Variants in NOTCH2 observed in about 807,000 individuals in gnomAD.
NOTCH2 encodes the protein neurogenic locus notch homolog protein 2.
Under a neutral mutation model 235.8 loss-of-function variants are expected in NOTCH2, and 29 were observed. That is an observed-to-expected ratio of 0.12 (90% confidence interval 0.09 to 0.17). The LOEUF (loss-of-function observed/expected upper bound fraction) is 0.17. Among genes scored for constraint, NOTCH2 ranks in the 10% least tolerant of loss-of-function variants. NOTCH2 has a pLI of 1.00. For missense variants in NOTCH2, 2,285 were observed against 3,150.2 expected, an observed-to-expected ratio of 0.73 and a Z score of 6.57; for synonymous variants, 1,086 against 1,141.5, an observed-to-expected ratio of 0.95 and a Z score of 0.98.
At chr1:120,002,157 C>G (rs1553205484) in intron 3 of NOTCH2, among the ~76,000 whole-genome samples, 1 of 151,588 alleles carries the variant, frequency 6.6e-6, no homozygotes, top group Non-Finnish European at 1.5e-5. Context: ...TTCTGCTGGC[C>G]TAGAGGTCTT....
chr1:119,915,781 C>T lies in NOTCH2; in HGVS notation c.6941G>A (p.Ser2314Asn), dbSNP rs1447240411. Residue 2314 changes from serine to asparagine, a missense_variant, in exon 34 of 34, where the codon AGT (serine) becomes AAT (asparagine). Physicochemically the swap from Ser to Asn is conservative, Grantham distance 46. Around this residue, in one of 6 missense-constraint regions of NOTCH2, gnomAD observed 504 missense variants for 538.0 expected, o/e 0.94. Transcript: ENST00000256646. ...IVTFQLIPKGSIAQPAGAPQP... is the reference protein window; with the variant it reads ...IVTFQLIPKGNIAQPAGAPQP... ...GGGAGCCCCCGCTGGTTGGGCAATA[C>T]TGCCTTTAGGGATGAGCTGGAAAGT... 6 of 1,610,620 alleles carry T rather than the reference C, an allele frequency of 3.7e-6. No individual in the cohort carries two copies. The highest frequency in any genetic ancestry group is 1.6e-4 in the Middle Eastern group (1 of 6,076).
In NOTCH2 at chr1:119,937,916, C is replaced by G; in HGVS notation, c.3278G>C (p.Trp1093Ser). 4 of 1,614,218 alleles carry G rather than the reference C, an allele frequency of 2.5e-6. No homozygotes were observed. The highest frequency in any genetic ancestry group is 3.4e-6 in the Non-Finnish European group (4 of 1,180,028). ...GGGCACGTCACAATAGGCACCAGCC[C>G]ATCCAGATGGACATAGGCACTGGGA... ...AESQCLCPSG[W>S]AGAYCDVPNV... is the part of the protein sequence containing the mutation. The change falls in exon 20 of 34, where the codon TGG becomes TCG. Residue 1093 changes from tryptophan (W) to serine (S), a missense_variant. Physicochemically the swap from Trp to Ser is radical, Grantham distance 177. Around this residue, in one of 6 missense-constraint regions of NOTCH2, gnomAD observed 1,173 missense variants for 1,515.3 expected, o/e 0.77. Transcript: ENST00000256646.
chr1:119,996,833 C>A (rs1553204242), intron 4 of NOTCH2, 164 bp downstream of exon 4: 2 of 792,890 alleles, frequency 2.5e-6, no homozygotes, highest in South Asian at 2.9e-5. Context: ...GTTTATGGAC[C>A]ACAGTGGGCC....
chr1:119,923,306 G>C (rs768947468), intron 26 of NOTCH2, among the ~76,000 whole-genome samples: 13 of 152,030 alleles, frequency 8.6e-5, no homozygotes, highest in Non-Finnish European at 1.6e-4. Flanking sequence ...TCTAAAGAAG[G>C]GCCTTAACAA....
chr1:119,938,262 T>C (rs1553196023), intron 19 of NOTCH2, among the ~76,000 whole-genome samples: 1 of 152,118 alleles, frequency 6.6e-6, no homozygotes, highest in Non-Finnish European at 1.5e-5. Flanking sequence ...GACAACGATA[T>C]ATAACGAAAC....
chr1:119,956,370 T>C (rs1237854933), intron 12 of NOTCH2, among the ~76,000 whole-genome samples: 1 of 152,224 alleles, frequency 6.6e-6, no homozygotes, highest in Non-Finnish European at 1.5e-5. Flanking sequence ...AAAACATGCA[T>C]TTTTCTCATT....
chr1:119,921,283 A>G (rs1649276841), intron 29 of NOTCH2, among the ~76,000 whole-genome samples: 2 of 152,170 alleles, frequency 1.3e-5, no homozygotes, highest in South Asian at 4.1e-4. Context: ...TCCAATGTCA[A>G]CGTTTTGCCA....
At chr1:119,928,730 C>T (rs916872579) in intron 23 of NOTCH2, among the ~76,000 whole-genome samples, 2 of 152,134 alleles carry the variant, frequency 1.3e-5, no homozygotes, top group East Asian at 3.8e-4. Context: ...AAAAAATATT[C>T]CTGCCATAGC....
chr1:119,918,614 A>G, intron 31 of NOTCH2, 61 bp from the exon 32 acceptor site: 1 of 1,572,098 alleles, frequency 6.4e-7, no homozygotes, highest in Non-Finnish European at 8.7e-7. Flanking sequence ...AATGAAACTC[A>G]GTGAAGAAAC....
intron 8 of NOTCH2, 70 bp from the exon 9 acceptor site, chr1:119,966,559 T>C: frequency 9.5e-7 from 1 of 1,052,614 alleles, no homozygotes; most frequent in Non-Finnish European, 1.5e-6. Context: ...GAAGCACAAA[T>C]TTGCAATGAT....
At chr1:119,970,038 T>A (rs1166930727) in intron 5 of NOTCH2, among the ~76,000 whole-genome samples, 1 of 152,118 alleles carries the variant, frequency 6.6e-6, no homozygotes, top group Non-Finnish European at 1.5e-5. Context: ...TCGAGTTAAC[T>A]AATCCCTGGG....
intron 1 of NOTCH2, among the ~76,000 whole-genome samples, chr1:120,054,971 TTTACA>T (rs1443101253): frequency 6.6e-6 from 1 of 150,814 alleles, no homozygotes; most frequent in African/African-American, 2.4e-5. Context: ...GCACAAAATG[TTTACA>T]TTAAATACAA....
At position 119,919,729 on chromosome 1, in the gene NOTCH2, T is replaced by C. The variant is rs1343291982; in HGVS notation, c.5480-116A>G. The C allele has an allele frequency of 1.4e-5, 14 of 976,142 alleles. No homozygotes were observed. The Admixed American group carries it at 2.6e-4, about 18-fold the overall frequency. The allele number at this position is 976,142 out of a possible 1,614,324, so 60.5% of individuals were successfully genotyped here. On this transcript the variant is annotated intron_variant, in intron 30 of 33. Coordinates refer to ENST00000256646, the MANE Select transcript of NOTCH2 (RefSeq NM_024408.4). ...TTAGGGGCAAAGAATTCCCTGTACTTCTTGTAGTAACTGGTTATTAGTTTC... is the reference window on the plus strand; with the variant it reads ...TTAGGGGCAAAGAATTCCCTGTACTCCTTGTAGTAACTGGTTATTAGTTTC...
chr1:120,001,147 A>G (rs1306723145), intron 3 of NOTCH2, among the ~76,000 whole-genome samples: 3 of 151,858 alleles, frequency 2.0e-5, no homozygotes, highest in African/African-American at 7.3e-5. Flanking sequence ...AGGCCTCCCC[A>G]GCCATATGGA....
intron 3 of NOTCH2, among the ~76,000 whole-genome samples, chr1:120,004,849 T>C (rs1652899666): frequency 6.6e-6 from 1 of 152,224 alleles, no homozygotes; most frequent in Non-Finnish European, 1.5e-5. Context: ...CATAGCTCAC[T>C]GCAGCCTCAA....
chr1:120,069,480 G>A lies in NOTCH2; in HGVS notation c.-74C>T, dbSNP rs1553218012. 1 of 1,496,238 alleles carries A rather than the reference G, an allele frequency of 6.7e-7. No homozygotes were observed. The highest frequency in any genetic ancestry group is 1.5e-5 in the African/African-American group (1 of 68,758). 92.7% of individuals were successfully genotyped at this position (1,496,238 alleles called of 1,614,324 possible). On this transcript the variant is annotated 5_prime_UTR_variant, in exon 1 of 34. Coordinates refer to ENST00000256646, the MANE Select transcript of NOTCH2 (RefSeq NM_024408.4). ...TCCACATGGGGAGGGGGTCCCGATA[G>A]AGGAGCCCCACTCTCTCCTCCCCTC...
chr1:120,031,153 TAGGCC>T (rs1553210934), intron 1 of NOTCH2, among the ~76,000 whole-genome samples: 15 of 149,854 alleles, frequency 1.0e-4, no homozygotes, highest in African/African-American at 3.7e-4. Context: ...AGAGAGACGC[TAGGCC>T]TGGCCATCCC....
chr1:119,920,482 C>A, intron 29 of NOTCH2, 85 bp from the exon 30 acceptor site: 1 of 1,407,016 alleles, frequency 7.1e-7, no homozygotes, highest in Non-Finnish European at 1.0e-6. Flanking sequence ...TCCACCACCG[C>A]TGCTTATCTC....
intron 5 of NOTCH2, among the ~76,000 whole-genome samples, chr1:119,973,973 G>A (rs1651466865): frequency 1.3e-5 from 2 of 151,850 alleles, no homozygotes; most frequent in Non-Finnish European, 2.9e-5. Context: ...AACAAGTAAA[G>A]GAGGATGAGG....
Sources: allele counts gnomAD v4.1 joint callset (sites outside exome capture counted in the v4.1 genomes callset), GRCh38; gene constraint gnomAD v4.1.1; regional missense constraint gnomAD v4.1.1; transcripts MANE v1.5; gene names NCBI Gene and HGNC (gene_info 2026-07-23, HGNC 2026-07-21).